The following PTPN1 variants were observed in gnomAD, a reference collection of about 807,000 sequenced individuals.
PTPN1 encodes the protein tyrosine-protein phosphatase non-receptor type 1.
A neutral mutation model predicts 59.9 loss-of-function variants in PTPN1; 12 were observed. The observed-to-expected ratio is 0.20, with a 90% CI of 0.13 to 0.32. The LOEUF is 0.32. PTPN1 is among the 10% of genes least tolerant of loss of function. PTPN1 has a pLI of 1.00. For missense variants in PTPN1, 356 were observed against 549.2 expected, an observed-to-expected ratio of 0.65 and a Z score of 3.52; for synonymous variants, 178 against 203.6, an observed-to-expected ratio of 0.87 and a Z score of 1.07.
In PTPN1 at chr20:50,583,523, C is replaced by A. The variant is rs1033448824; in HGVS notation, c.*808C>A. On this transcript the variant is annotated 3_prime_UTR_variant, in exon 10 of 10. Transcript: ENST00000371621. ...AATGCATGTAAGGTCTTCTTGTGTC[C>A]TGATGAAAAATATGTGCTTGAAATG... is the stretch of plus-strand genomic sequence containing the variant. The A allele has an allele frequency of 6.6e-6, 1 of 152,208 alleles. No homozygotes were observed. The highest frequency in any genetic ancestry group is 2.4e-5 in the African/African-American group (1 of 41,422). The allele number at this position is 152,208 out of a possible 1,614,324, so 9.4% of individuals were successfully genotyped here.
intron 2 of PTPN1, 150 bp from the exon 3 acceptor site, chr20:50,564,819 T>C: frequency 8.1e-7 from 1 of 1,234,756 alleles, no homozygotes; most frequent in Non-Finnish European, 1.1e-6. Context: ...CGCCCCATAC[T>C]GATGACTAAT....
chr20:50,568,261 C>A lies in PTPN1; in HGVS notation c.256-119C>A. 1.2e-6 allele frequency: 1 copy of A among 812,538 alleles called. No individual in the cohort carries two copies. Among genetic ancestry groups the A allele is most frequent in the Non-Finnish European group, 2.1e-6 (1 of 479,242 alleles). The allele number at this position is 812,538 out of a possible 1,614,324, so 50.3% of individuals were successfully genotyped here. A position where few individuals can be genotyped will look rare whatever the true frequency, so the allele number is the denominator to read the frequency against. ...TGGGTCCCTGTCCCAGCCTCAGCCA[C>A]CACTCTGCCTAAGCTGTGGGGACTG... On this transcript the variant is annotated intron_variant, in intron 3 of 9. Transcript: ENST00000371621. This position sits in a 1 kb window ranked among gnomAD's most constrained non-coding sequence, Gnocchi z 5.6.
At chr20:50,513,074 G>C (rs2082514157) in intron 1 of PTPN1, among the ~76,000 whole-genome samples, 1 of 152,172 alleles carries the variant, frequency 6.6e-6, no homozygotes, top group African/African-American at 2.4e-5. Flanking sequence ...AAAGAACAAA[G>C]AGTGAAGAGG....
rs751445463 is a variant in PTPN1 at position 50,578,638 on chromosome 20, G to A, written c.702+9G>A. Reference sequence around the variant, plus strand: ...ATACCTGCCTCTTGCTGGTAAGGAGGCCCTCGCGGGTGCCCTGGGGAGCTC... The same window carrying A: ...ATACCTGCCTCTTGCTGGTAAGGAGACCCTCGCGGGTGCCCTGGGGAGCTC... On this transcript the variant is annotated intron_variant, in intron 6 of 9. Coordinates refer to ENST00000371621, the MANE Select transcript of PTPN1 (RefSeq NM_002827.4). 1.2e-6 allele frequency: 2 copies of A among 1,611,606 alleles called. No individual in the cohort carries two copies. The highest frequency in any genetic ancestry group is 2.2e-5 in the South Asian group (2 of 91,002).
intron 1 of PTPN1, among the ~76,000 whole-genome samples, chr20:50,531,293 A>G (rs1353509634): frequency 1.3e-5 from 2 of 152,176 alleles, no homozygotes; most frequent in African/African-American, 2.4e-5. Flanking sequence ...ATGCCTTTTA[A>G]TGAGATTGAA....
chr20:50,516,857 A>G (rs769447929), intron 1 of PTPN1, among the ~76,000 whole-genome samples: 1 of 152,258 alleles, frequency 6.6e-6, no homozygotes, highest in Non-Finnish European at 1.5e-5. Flanking sequence ...TTGTAATTTT[A>G]GGAAGAAACC....
chr20:50,532,714 TGG>T (rs1242611634), intron 1 of PTPN1, among the ~76,000 whole-genome samples: 1 of 152,094 alleles, frequency 6.6e-6, no homozygotes, highest in African/African-American at 2.4e-5. Context: ...ATGTGGATGA[TGG>T]GGTGTGTGTG....
chr20:50,569,704 G>T (rs1377773947), intron 4 of PTPN1, among the ~76,000 whole-genome samples: 1 of 152,178 alleles, frequency 6.6e-6, no homozygotes, highest in African/African-American at 2.4e-5. Context: ...AGACTGTCCT[G>T]TGTAGACTGT....
chr20:50,530,814 C>T (rs1221980343), intron 1 of PTPN1, among the ~76,000 whole-genome samples: 1 of 152,112 alleles, frequency 6.6e-6, no homozygotes, highest in Non-Finnish European at 1.5e-5. Context: ...CTGCCTCAGC[C>T]TCCCAAGTAA....
chr20:50,559,490 C>T (rs1259213181), intron 1 of PTPN1, among the ~76,000 whole-genome samples: 2 of 152,128 alleles, frequency 1.3e-5, no homozygotes, highest in Admixed American at 1.3e-4. Flanking sequence ...TTCTCTTTGT[C>T]CGCAGAATTC....
intron 1 of PTPN1, among the ~76,000 whole-genome samples, chr20:50,548,312 C>T (rs1325703759): frequency 6.6e-6 from 1 of 152,172 alleles, no homozygotes; most frequent in Admixed American, 6.5e-5. Context: ...CTCATTTCTT[C>T]AGTCACATCT....
chr20:50,556,469 T>C (rs117978127), intron 1 of PTPN1, among the ~76,000 whole-genome samples: 7,646 of 152,252 alleles, frequency 0.05, 276 homozygotes, highest in Non-Finnish European at 0.076. Context: ...GGATTACAGA[T>C]GTGAACCACC....
chr20:50,582,280 A>AT lies in PTPN1; in HGVS notation c.1285-411dup, dbSNP rs777373642. ...AGGTCACCACAGGGTGGCCATTGGCATGTCAACCCGCTGTTAATTCAGAGA... is the reference window on the plus strand; with the variant it reads ...AGGTCACCACAGGGTGGCCATTGGCATTGTCAACCCGCTGTTAATTCAGAGA... On this transcript the variant is annotated intron_variant, in intron 9 of 9. Coordinates refer to ENST00000371621, the MANE Select transcript of PTPN1 (RefSeq NM_002827.4). This position sits in a 1 kb window ranked among gnomAD's most constrained non-coding sequence, Gnocchi z 4.2. Among the ~76,000 whole-genome samples the AT allele has an allele frequency of 7.9e-5, 12 of 152,222 alleles. No individual in the cohort carries two copies. Among genetic ancestry groups the AT allele is most frequent in the Non-Finnish European group, 1.2e-4 (8 of 68,032 alleles).
chr20:50,568,420 T>C lies in PTPN1; in HGVS notation c.296T>C (p.Val99Ala), dbSNP rs1330974189. The change falls in exon 4 of 10, where the codon GTG becomes GCG. Residue 99 changes from valine (V) to alanine (A), a missense_variant. Transcript: ENST00000371621. The surrounding 1 kb of genome is among the most constrained non-coding windows in gnomAD (Gnocchi z 5.6). ...PNTCGHFWEM[V>A]WEQKSRGVVM... The stretch of plus-strand genomic sequence containing the variant: ...ACATGCGGTCACTTTTGGGAGATGG[T>C]GTGGGAGCAGAAAAGCAGGGGTGTC... 3 of 1,614,114 alleles carry C rather than the reference T, an allele frequency of 1.9e-6. No individual in the cohort carries two copies. Among genetic ancestry groups the C allele is most frequent in the Non-Finnish European group, 2.5e-6 (3 of 1,179,984 alleles).
intron 1 of PTPN1, among the ~76,000 whole-genome samples, chr20:50,516,454 A>G (rs1274514949): frequency 2.0e-5 from 3 of 152,190 alleles, no homozygotes; most frequent in African/African-American, 4.8e-5. Context: ...CATTAAGTTC[A>G]GGTCAAGTAA....
At chr20:50,581,526 G>C in intron 9 of PTPN1, 66 bp downstream of exon 9, 1 of 1,498,948 alleles carries the variant, frequency 6.7e-7, no homozygotes, top group Non-Finnish European at 9.0e-7. Context: ...CCGCTAGCCC[G>C]ATGGTAGGAT....
intron 1 of PTPN1, among the ~76,000 whole-genome samples, chr20:50,523,409 G>A (rs939712984): frequency 6.6e-6 from 1 of 152,188 alleles, no homozygotes; most frequent in African/African-American, 2.4e-5. Context: ...AGCACTCCGG[G>A]ATCATATGGC....
chr20:50,527,347 A>T (rs1326767853), intron 1 of PTPN1, among the ~76,000 whole-genome samples: 1 of 146,534 alleles, frequency 6.8e-6, no homozygotes, highest in African/African-American at 2.5e-5. Flanking sequence ...CACTGAAATA[A>T]TTTTTTTTTT....
Position 50,562,635 on chromosome 20 carries a change from A to C in PTPN1, c.154+1182A>C, listed in dbSNP as rs1364991534. ...TGGGGATGGTTGTCACCAACATCTG[A>C]AGTGCACTTCTAGGTCATCAGGTGA... is the stretch of plus-strand genomic sequence containing the variant. On this transcript the variant is annotated intron_variant, in intron 2 of 9. Transcript: ENST00000371621. Among the ~76,000 whole-genome samples, 3 of 152,238 alleles carry C rather than the reference A, an allele frequency of 2.0e-5. 1 individual carries two copies. The highest frequency in any genetic ancestry group is 7.2e-5 in the African/African-American group (3 of 41,466).
Sources: allele counts gnomAD v4.1 joint callset (sites outside exome capture counted in the v4.1 genomes callset), GRCh38; gene constraint gnomAD v4.1.1; non-coding constraint Gnocchi (gnomAD v3.1); transcripts MANE v1.5; gene names NCBI Gene and HGNC (gene_info 2026-07-23, HGNC 2026-07-21).